The following SUMF1 variants were observed in gnomAD, a reference collection of about 807,000 sequenced individuals.
SUMF1 encodes the protein sulfatase modifying factor 1.
In SUMF1, 48 loss-of-function variants were observed where a neutral mutation model predicts 47.6. The observed-to-expected ratio is 1.01, with a 90% CI of 0.80 to 1.28. The LOEUF (loss-of-function observed/expected upper bound fraction) is 1.28, where lower values mean the gene tolerates loss of function less well. Ranked by LOEUF, SUMF1 falls within the 50% of genes most tolerant of loss-of-function variation. The pLI is 0.00. For missense variants in SUMF1, 571 were observed against 485.4 expected, an observed-to-expected ratio of 1.18 and a Z score of -1.66; for synonymous variants, 230 against 192.1, an observed-to-expected ratio of 1.20 and a Z score of -1.63.
At chr3:4,428,023 A>G (rs1702120371) in intron 3 of SUMF1, among the ~76,000 whole-genome samples, 2 of 152,224 alleles carry the variant, frequency 1.3e-5, no homozygotes, top group African/African-American at 2.4e-5. Flanking sequence ...TTTTCATCAA[A>G]TAAGTAACTG....
intron 8 of SUMF1, among the ~76,000 whole-genome samples, chr3:4,252,378 A>ACACACACACACC (rs138232038): frequency 5.3e-5 from 8 of 150,454 alleles, no homozygotes; most frequent in African/African-American, 2.0e-4. Context: ...ACACACACAC[A>ACACACACACACC]CCCCACTGGC....
chr3:4,331,633 G>C (rs748894027), intron 8 of SUMF1, among the ~76,000 whole-genome samples: 2 of 152,164 alleles, frequency 1.3e-5, no homozygotes, highest in Non-Finnish European at 2.9e-5. Context: ...TTCAAGTCCA[G>C]ACTATGCCAA....
chr3:4,269,060 C>T (rs759220941), intron 8 of SUMF1, among the ~76,000 whole-genome samples: 3 of 151,984 alleles, frequency 2.0e-5, no homozygotes, highest in Admixed American at 2.0e-4. Flanking sequence ...AGTGAACATA[C>T]CTCTGGAAAC....
At chr3:4,113,796 C>A (rs537338485) in intron 8 of SUMF1, among the ~76,000 whole-genome samples, 1 of 152,012 alleles carries the variant, frequency 6.6e-6, no homozygotes, top group Non-Finnish European at 1.5e-5. Context: ...GTCATCATGA[C>A]CTTAATGTGG....
At chr3:4,321,470 TA>T (rs1206478992) in intron 8 of SUMF1, among the ~76,000 whole-genome samples, 6,785 of 63,766 alleles carry the variant, frequency 0.11, 346 homozygotes, top group African/African-American at 0.27. Context: ...AAGGAAATGC[TA>T]AAAAAAAAAA....
chr3:4,146,258 G>C (rs554022895), intron 8 of SUMF1, among the ~76,000 whole-genome samples: 1 of 152,058 alleles, frequency 6.6e-6, no homozygotes, highest in Non-Finnish European at 1.5e-5. Flanking sequence ...TGATTAAAAC[G>C]TGCAGAAATG....
intron 6 of SUMF1, chr3:4,414,904 T>C (rs1237765783): frequency 6.6e-6 from 1 of 152,224 alleles, no homozygotes; most frequent in African/African-American, 2.4e-5. Context: ...CATGGCCTTT[T>C]GTTAAAATGA....
chr3:4,308,300 C>G (rs1019557854), intron 8 of SUMF1, among the ~76,000 whole-genome samples: 7 of 152,158 alleles, frequency 4.6e-5, no homozygotes, highest in Admixed American at 1.3e-4. Flanking sequence ...CTATGCACTA[C>G]CTGCAAAATT....
chr3:4,125,958 T>C (rs1181054695), intron 8 of SUMF1, among the ~76,000 whole-genome samples: 1 of 152,142 alleles, frequency 6.6e-6, no homozygotes, highest in Non-Finnish European at 1.5e-5. Flanking sequence ...ATTATAGGCA[T>C]GAGCCACCAT....
chr3:4,395,173 CGA>C lies in SUMF1; in HGVS notation c.954+15690_954+15691del, dbSNP rs539605491. On this transcript the variant is annotated intron_variant, in intron 7 of 8. Coordinates refer to ENST00000272902, the MANE Select transcript of SUMF1 (RefSeq NM_182760.4). Reference sequence around the variant, plus strand: ...TCCCCAAGATCACACAGGTAGCAAGCGAGAGAACCAGGAGTCAAAGTCCATCA... The same window carrying C: ...TCCCCAAGATCACACAGGTAGCAAGCGAGAACCAGGAGTCAAAGTCCATCA... 8.5e-5 allele frequency among the ~76,000 whole-genome samples: 13 copies of C among 152,212 alleles called. 1 individual carries two copies. In the South Asian group the frequency reaches 2.7e-3, roughly 32 times the overall value.
chr3:4,301,746 C>T lies in SUMF1; in HGVS notation c.1014+74584G>A, dbSNP rs1559209288. Among the ~76,000 whole-genome samples, 3 of 152,152 alleles carry T rather than the reference C, an allele frequency of 2.0e-5. 1 individual carries two copies. The highest frequency in any genetic ancestry group is 4.1e-4 in the South Asian group (2 of 4,830). ...TTTAAAGAAGAAAAAGCAAGACTGGCAGAAGAAGTCAATTCAGATTATTTT... is the reference window on the plus strand; with the variant it reads ...TTTAAAGAAGAAAAAGCAAGACTGGTAGAAGAAGTCAATTCAGATTATTTT... On this transcript the variant is annotated intron_variant and NMD_transcript_variant, in intron 8 of 12. Coordinates refer to the SUMF1 transcript ENST00000448413.
At chr3:4,162,878 C>T (rs1009240020) in intron 8 of SUMF1, among the ~76,000 whole-genome samples, 1 of 150,714 alleles carries the variant, frequency 6.6e-6, no homozygotes, top group Non-Finnish European at 1.5e-5. Flanking sequence ...GAGGCTTCTA[C>T]TCAGCCATCT....
At chr3:4,338,949 A>T (rs308725) in intron 8 of SUMF1, among the ~76,000 whole-genome samples, 118,216 of 152,120 alleles carry the variant, frequency 0.78, 46,502 homozygotes, top group African/African-American at 0.9. Flanking sequence ...TGCTCACCAG[A>T]GCCTCGCCAG....
intron 8 of SUMF1, among the ~76,000 whole-genome samples, chr3:4,181,902 C>T (rs1184388791): frequency 3.3e-5 from 5 of 150,104 alleles, no homozygotes; most frequent in Non-Finnish European, 5.9e-5. Flanking sequence ...GCTGTCTGTG[C>T]TACTGCATTC....
chr3:4,357,781 T>C (rs1178645188), downstream of SUMF1, among the ~76,000 whole-genome samples: 1 of 151,896 alleles, frequency 6.6e-6, no homozygotes, highest in Non-Finnish European at 1.5e-5. Flanking sequence ...CTAAGTTTTG[T>C]ATTTTTAGTA....
intron 8 of SUMF1, among the ~76,000 whole-genome samples, chr3:4,081,710 G>A (rs1692563921): frequency 6.6e-6 from 1 of 152,116 alleles, no homozygotes; most frequent in South Asian, 2.1e-4. Context: ...GTGATAACTT[G>A]GAATAATATG....
chr3:4,061,930 G>A (rs1695282849), intron 9 of SUMF1, among the ~76,000 whole-genome samples: 1 of 151,600 alleles, frequency 6.6e-6, no homozygotes, highest in African/African-American at 2.4e-5. Context: ...TAATGATGAT[G>A]CTATAGCCAT....
At chr3:4,426,525 G>A (rs1020823702) in intron 3 of SUMF1, among the ~76,000 whole-genome samples, 1 of 152,158 alleles carries the variant, frequency 6.6e-6, no homozygotes, top group East Asian at 1.9e-4. Flanking sequence ...TCCTGATTCT[G>A]TCTTGAAAAT....
At chr3:4,070,891 A>C (rs1190535772) in intron 8 of SUMF1, among the ~76,000 whole-genome samples, 1 of 152,056 alleles carries the variant, frequency 6.6e-6, no homozygotes. Flanking sequence ...TCGGCCTCCC[A>C]AAGTGCTGGG....
Sources: allele counts gnomAD v4.1 joint callset (sites outside exome capture counted in the v4.1 genomes callset), GRCh38; gene constraint gnomAD v4.1.1; transcripts MANE v1.5; gene names NCBI Gene and HGNC (gene_info 2026-07-23, HGNC 2026-07-21).